PAM: variants seen among roughly 807,000 people sequenced by gnomAD.
PAM encodes peptidyl-glycine alpha-amidating monooxygenase.
Under a neutral mutation model 122.1 loss-of-function variants are expected in PAM, and 72 were observed. The ratio of observed to expected loss-of-function variants is 0.59; its 90% CI spans 0.49 to 0.72. The LOEUF (loss-of-function observed/expected upper bound fraction) is 0.72. Ranked by LOEUF, PAM falls within the 30% of genes least tolerant of loss-of-function variation. PAM has a pLI of 0.00. For synonymous variants in PAM, 389 were observed against 404.4 expected (o/e 0.96, Z 0.46); for missense variants, 1,106 against 1,183.7 (o/e 0.93, Z 0.96).
chr5:102,797,003 A>G (rs1225187643), intron 1 of PAM, among the ~76,000 whole-genome samples: 1 of 152,226 alleles, frequency 6.6e-6, no homozygotes, highest in East Asian at 1.9e-4. Flanking sequence ...AAGTTTCAAA[A>G]TGCTAAACAA....
chr5:102,868,600 C>T (rs1438308893), intron 3 of PAM, among the ~76,000 whole-genome samples: 1 of 152,218 alleles, frequency 6.6e-6, no homozygotes, highest in Non-Finnish European at 1.5e-5. Flanking sequence ...AGAAGAACAA[C>T]AGTTGCTCAC....
chr5:102,959,992 A>C lies in PAM; in HGVS notation c.1023A>C (p.Ile341=), dbSNP rs1761973058. The C allele has an allele frequency of 6.2e-7, 1 of 1,612,346 alleles. No homozygotes were observed. The highest frequency in any genetic ancestry group is 1.3e-5 in the African/African-American group (1 of 74,982). The stretch of plus-strand genomic sequence containing the variant: ...TAGCTCCAGATATGTTCAGAACCAT[A>C]CCACCAGAGGCCAACATTCCAATTC... ...QNVAPDMFRT[I]PPEANIPIPV... The change falls in exon 13 of 26, where the codon ATA becomes ATC. Residue 341 remains isoleucine (I), a synonymous_variant. Transcript: ENST00000438793.
chr5:102,930,674 C>A (rs868651771), intron 7 of PAM, among the ~76,000 whole-genome samples: 2 of 152,160 alleles, frequency 1.3e-5, no homozygotes, highest in African/African-American at 4.8e-5. Flanking sequence ...CAAGCTGTAA[C>A]CTGACTGGAT....
At position 103,028,248 on chromosome 5, in the gene PAM, T is replaced by C. The variant is rs1434346921; in HGVS notation, c.2743+10T>C. The C allele has an allele frequency of 6.3e-7, 1 of 1,593,612 alleles. No individual in the cohort carries two copies. On this transcript the variant is annotated intron_variant, in intron 25 of 25. Transcript: ENST00000438793. ...CTGGGAAGATTTAGAGGTATGCCTA[T>C]GACCTTTTAGAACCCTTCATGTTTG... is the stretch of plus-strand genomic sequence containing the variant.
intron 21 of PAM, among the ~76,000 whole-genome samples, chr5:103,015,461 A>G (rs1305758249): frequency 6.6e-6 from 1 of 152,142 alleles, no homozygotes. Context: ...ACCTCAAAAG[A>G]AGAGTCTGCA....
chr5:103,003,076 C>T lies in PAM; in HGVS notation c.1657C>T (p.Pro553Ser). 1 of 1,608,062 alleles carries T rather than the reference C, an allele frequency of 6.2e-7. No individual in the cohort carries two copies. The highest frequency in any genetic ancestry group is 8.5e-7 in the Non-Finnish European group (1 of 1,174,780). ...KFVYQQIGLG[P>S]IEEDTILVID... Reference sequence around the variant, plus strand: ...TGTTTACCAGCAAATAGGACTCGGACCAATTGAAGAAGACACTATTCTTGT... The same window carrying T: ...TGTTTACCAGCAAATAGGACTCGGATCAATTGAAGAAGACACTATTCTTGT... The change falls in exon 17 of 26, where the codon CCA becomes TCA. Residue 553 changes from proline to serine, a missense_variant. Pro to Ser is a moderately conservative substitution (Grantham distance 74). Coordinates refer to ENST00000438793, the MANE Select transcript of PAM (RefSeq NM_001177306.2).
intron 16 of PAM, among the ~76,000 whole-genome samples, chr5:102,994,751 C>A (rs1562176703): frequency 2.0e-5 from 3 of 152,062 alleles, no homozygotes; most frequent in Admixed American, 2.0e-4. Flanking sequence ...TTATGTTCCA[C>A]TTTATTACAT....
At chr5:102,779,201 C>A (rs1390510989) in intron 1 of PAM, among the ~76,000 whole-genome samples, 1 of 150,122 alleles carries the variant, frequency 6.7e-6, no homozygotes, top group Non-Finnish European at 1.5e-5. Flanking sequence ...GTGTGTAATT[C>A]AAAAATATGC....
chr5:102,828,918 GTTTT>G (rs58045947), intron 1 of PAM, among the ~76,000 whole-genome samples: 3 of 126,026 alleles, frequency 2.4e-5, no homozygotes, highest in Admixed American at 1.6e-4. Flanking sequence ...CTACCTCAGG[GTTTT>G]TTTTTTTTTT....
At chr5:102,855,718 G>GA (rs970224945) in intron 1 of PAM, among the ~76,000 whole-genome samples, 9 of 151,764 alleles carry the variant, frequency 5.9e-5, no homozygotes, top group African/African-American at 1.9e-4. Flanking sequence ...AATCAAACAG[G>GA]AAAAAAAGTC....
chr5:102,930,937 A>T (rs1751289342), intron 7 of PAM, among the ~76,000 whole-genome samples: 2 of 152,250 alleles, frequency 1.3e-5, no homozygotes, highest in Non-Finnish European at 2.9e-5. Context: ...AGGTTTGGTG[A>T]CCAAACTCTA....
intron 1 of PAM, among the ~76,000 whole-genome samples, chr5:102,807,773 C>T (rs113546761): frequency 5.3e-5 from 8 of 152,190 alleles, no homozygotes; most frequent in African/African-American, 1.9e-4. Flanking sequence ...AATGAGAAAG[C>T]CATATATGAA....
chr5:102,832,718 T>TAA (rs1026027082), intron 1 of PAM, among the ~76,000 whole-genome samples: 3 of 152,056 alleles, frequency 2.0e-5, no homozygotes, highest in Non-Finnish European at 4.4e-5. Context: ...TATATATATA[T>TAA]AACTTTCCTG....
chr5:102,987,152 T>C (rs1772131940), intron 15 of PAM, among the ~76,000 whole-genome samples: 1 of 152,092 alleles, frequency 6.6e-6, no homozygotes, highest in South Asian at 2.1e-4. Flanking sequence ...AACCTAAGAA[T>C]ATATCAGCAG....
chr5:102,921,148 C>T (rs1747304854), intron 5 of PAM, among the ~76,000 whole-genome samples: 1 of 152,044 alleles, frequency 6.6e-6, no homozygotes, highest in Non-Finnish European at 1.5e-5. Flanking sequence ...ACAATTTAAT[C>T]GACTTAGTCT....
intron 1 of PAM, among the ~76,000 whole-genome samples, chr5:102,803,276 C>T (rs917363832): frequency 5.3e-5 from 8 of 151,630 alleles, no homozygotes; most frequent in South Asian, 2.1e-4. Flanking sequence ...AGCAGTCAGA[C>T]GAGGTATTTT....
intron 1 of PAM, among the ~76,000 whole-genome samples, chr5:102,855,781 A>G (rs1485355707): frequency 2.0e-5 from 3 of 152,148 alleles, no homozygotes; most frequent in African/African-American, 7.2e-5. Flanking sequence ...ACAGAAGGAA[A>G]GGCAGATCCC....
rs1397512721 is a variant in PAM, at chr5:102,914,018, A to C, written c.353A>C (p.Tyr118Ser). 6.5e-7 allele frequency: 1 copy of C among 1,530,958 alleles called. No individual in the cohort carries two copies. The highest frequency in any genetic ancestry group is 2.2e-5 in the East Asian group (1 of 44,464). 94.8% of individuals were successfully genotyped at this position (1,530,958 alleles called of 1,614,324 possible). ...GCNMPSSTGS[Y>S]WFCDEGTCTD... ...AATATGCCTTCATCCACTGGAAGTT[A>C]CTGGTAAGGATAATGGGTTTACAGT... Residue 118 changes from tyrosine (Y) to serine (S), a missense_variant, in exon 5 of 26, where the codon TAC (tyrosine) becomes TCC (serine). Transcript: ENST00000438793.
rs765122595 is a variant in PAM, at chr5:102,999,235, C to T, written c.1614-3798C>T. ...GGCCCCATCCAAGTCCAGAATCCAGCGGGGCAGTCAAATCTTAGAGCTCCA... is the reference window on the plus strand; with the variant it reads ...GGCCCCATCCAAGTCCAGAATCCAGTGGGGCAGTCAAATCTTAGAGCTCCA... On this transcript the variant is annotated intron_variant, in intron 16 of 25. Transcript: ENST00000438793. 2.4e-4 allele frequency among the ~76,000 whole-genome samples: 36 copies of T among 152,168 alleles called. 1 individual carries two copies. Among genetic ancestry groups the T allele is most frequent in the Non-Finnish European group, 4.1e-4 (28 of 68,028 alleles).
Sources: gnomAD v4.1 joint callset for allele counts (sites outside exome capture counted in the v4.1 genomes callset) on GRCh38, gnomAD v4.1.1 for gene constraint, MANE v1.5 for transcripts, NCBI Gene and HGNC (gene_info 2026-07-23, HGNC 2026-07-21) for gene names.